OR2L13: variants seen among roughly 807,000 people sequenced by gnomAD.
OR2L13 encodes olfactory receptor 2L13.
In OR2L13, 14 loss-of-function variants were observed where a neutral mutation model predicts 15.3. The observed-to-expected ratio is 0.91, with a 90% CI of 0.60 to 1.43. OR2L13 has a LOEUF of 1.43. OR2L13 is among the 40% of genes most tolerant of loss of function. The pLI is 0.00. For missense variants in OR2L13, 367 were observed against 387.9 expected (o/e 0.95, Z 0.45); for synonymous variants, 152 against 142.9 (o/e 1.06, Z -0.45).
the OR2L13 span, among the ~76,000 whole-genome samples, chr1:247,969,715 C>G: frequency 5.3e-5 from 8 of 152,086 alleles, no homozygotes; most frequent in Admixed American, 5.2e-4. Context: ...AATCTTTTTT[C>G]TCCTAAATGT....
At chr1:247,992,614 G>C in the OR2L13 span, among the ~76,000 whole-genome samples, 1 of 152,148 alleles carries the variant, frequency 6.6e-6, no homozygotes, top group South Asian at 2.1e-4. Context: ...TTACAAGTGA[G>C]AACATTCTGT....
At chr1:248,006,527 G>C in the OR2L13 span, among the ~76,000 whole-genome samples, 4 of 152,098 alleles carry the variant, frequency 2.6e-5, no homozygotes, top group African/African-American at 4.8e-5. Flanking sequence ...CCAATCCCGA[G>C]AAGGATGGGA....
At chr1:248,070,232 A>T in the OR2L13 span, among the ~76,000 whole-genome samples, 7 of 152,084 alleles carry the variant, frequency 4.6e-5, no homozygotes, top group African/African-American at 9.7e-5. Context: ...GAAGTAAAGC[A>T]CTCCTCAGCA....
chr1:248,018,426 A>G, the OR2L13 span, among the ~76,000 whole-genome samples: 1 of 152,210 alleles, frequency 6.6e-6, no homozygotes, highest in Admixed American at 6.5e-5. Flanking sequence ...AATACAAATT[A>G]CATACTATTG....
the OR2L13 span, among the ~76,000 whole-genome samples, chr1:248,049,939 T>C: frequency 1.3e-5 from 2 of 152,234 alleles, no homozygotes; most frequent in Non-Finnish European, 2.9e-5. Flanking sequence ...TATGTGTGTT[T>C]GTGGATCTAG....
upstream of OR2L13, among the ~76,000 whole-genome samples, chr1:248,096,907 C>T (rs74153069): frequency 0.058 from 8,808 of 152,102 alleles, 844 homozygotes; most frequent in African/African-American, 0.2. Flanking sequence ...GAAATGTGGC[C>T]GCAGTCACAT....
chr1:248,032,320 C>G, the OR2L13 span, among the ~76,000 whole-genome samples: 5 of 151,980 alleles, frequency 3.3e-5, no homozygotes, highest in Admixed American at 1.3e-4. Context: ...TTATTTCATA[C>G]ATGAGATAAT....
chr1:248,041,444 C>A, the OR2L13 span: 4 of 152,170 alleles, frequency 2.6e-5, no homozygotes, highest in Non-Finnish European at 4.4e-5. Flanking sequence ...AGGACATAGG[C>A]ATGGGCAAGG....
At chr1:248,086,283 T>C in the OR2L13 span, among the ~76,000 whole-genome samples, 1 of 152,192 alleles carries the variant, frequency 6.6e-6, no homozygotes, top group East Asian at 1.9e-4. Flanking sequence ...GGTTATACTT[T>C]TTCATTCTGA....
chr1:247,970,569 G>A, the OR2L13 span, among the ~76,000 whole-genome samples: 1 of 152,090 alleles, frequency 6.6e-6, no homozygotes, highest in African/African-American at 2.4e-5. Flanking sequence ...CAAGGGACAA[G>A]ACTAACTCTA....
chr1:248,029,629 G>A, the OR2L13 span, among the ~76,000 whole-genome samples: 1 of 152,040 alleles, frequency 6.6e-6, no homozygotes, highest in Non-Finnish European at 1.5e-5. Context: ...GTATGTGATA[G>A]CTTAATAATT....
the OR2L13 span, chr1:247,937,393 C>G: frequency 6.4e-6 from 1 of 156,586 alleles, no homozygotes; most frequent in Non-Finnish European, 1.4e-5. Context: ...AGGTATCAGA[C>G]GAGAGGCCCC....
the OR2L13 span, among the ~76,000 whole-genome samples, chr1:248,002,437 A>G: frequency 8.1e-6 from 1 of 123,954 alleles, no homozygotes; most frequent in Non-Finnish European, 1.6e-5. Context: ...GAATTTCACT[A>G]CAGTGGGTAC....
the OR2L13 span, among the ~76,000 whole-genome samples, chr1:247,981,487 A>G: frequency 1.3e-5 from 2 of 152,216 alleles, no homozygotes. Flanking sequence ...GTGCAAAATT[A>G]TAGTGCTTTG....
At chr1:248,092,521 C>A (rs114618741), upstream of OR2L13, among the ~76,000 whole-genome samples, 6 of 152,242 alleles carry the variant, frequency 3.9e-5, no homozygotes, top group African/African-American at 1.4e-4. Context: ...ATCTATTTCA[C>A]ATCTGTGGAC....
chr1:248,099,728 C>T (rs776157936), exon 3 of OR2L13: 4 of 1,614,104 alleles, frequency 2.5e-6, no homozygotes, highest in Non-Finnish European at 2.5e-6. Flanking sequence ...ACCTCCATGG[C>T]CTACGACCGT....
At chr1:247,970,617 G>T in the OR2L13 span, among the ~76,000 whole-genome samples, 1 of 152,074 alleles carries the variant, frequency 6.6e-6, no homozygotes, top group African/African-American at 2.4e-5. Flanking sequence ...ATTTTATAAA[G>T]ATTTTTTATT....
the OR2L13 span, chr1:247,974,641 A>T: frequency 5.9e-5 from 11 of 187,196 alleles, no homozygotes; most frequent in Middle Eastern, 3.2e-3. Flanking sequence ...CCTCAGTTTC[A>T]GGCATTCCCT....
At chr1:248,090,561 G>A (rs540571898), upstream of OR2L13, among the ~76,000 whole-genome samples, 1 of 152,140 alleles carries the variant, frequency 6.6e-6, no homozygotes, top group Non-Finnish European at 1.5e-5. Context: ...TTCCTTGGTT[G>A]GTTTGCTTAG....
Sources: allele counts gnomAD v4.1 joint callset (sites outside exome capture counted in the v4.1 genomes callset), GRCh38; gene constraint gnomAD v4.1.1; transcripts MANE v1.5; gene names NCBI Gene and HGNC (gene_info 2026-07-23, HGNC 2026-07-21).